FAS: variants seen among roughly 807,000 people sequenced by gnomAD.
FAS encodes the protein tumor necrosis factor receptor superfamily member 6.
In FAS, 5 loss-of-function variants were observed where a neutral mutation model predicts 33.2. The ratio of observed to expected loss-of-function variants is 0.15; its 90% CI spans 0.08 to 0.32. FAS has a LOEUF of 0.32. Among genes scored for constraint, FAS ranks in the 10% least tolerant of loss-of-function variants. The pLI is 1.00. For missense variants in FAS, 339 were observed against 386.0 expected (o/e 0.88, Z 1.02); for synonymous variants, 131 against 130.7 (o/e 1.00, Z -0.01).
chr10:89,002,057 C>A (rs1269687387), intron 1 of FAS, among the ~76,000 whole-genome samples: 2 of 152,192 alleles, frequency 1.3e-5, no homozygotes. Context: ...GGTCTTGGGG[C>A]TGGATTCTGG....
rs1371998807 is a variant in FAS, at chr10:89,015,191, C to T, written c.*741C>T. ...TTTGAGCAGGAGAGTATTACTAGAG[C>T]TTTGCCACCTCTCCATTTTTGCCTT... On this transcript the variant is annotated 3_prime_UTR_variant, in exon 9 of 9. Coordinates refer to ENST00000652046, the MANE Select transcript of FAS (RefSeq NM_000043.6). The T allele has an allele frequency of 1.9e-6, 1 of 534,704 alleles. No homozygotes were observed. The highest frequency in any genetic ancestry group is 1.9e-5 in the African/African-American group (1 of 53,850). The allele number at this position is 534,704 out of a possible 1,614,324, so 33.1% of individuals were successfully genotyped here.
chr10:88,991,886 T>C (rs763542991), intron 1 of FAS, among the ~76,000 whole-genome samples: 142 of 152,300 alleles, frequency 9.3e-4, no homozygotes, highest in African/African-American at 2.7e-3. Flanking sequence ...GGAGGCTCAT[T>C]TGAGTACCGG....
chr10:88,984,104 TTC>T (rs1224703707), upstream of FAS, among the ~76,000 whole-genome samples: 2 of 152,202 alleles, frequency 1.3e-5, no homozygotes, highest in African/African-American at 4.8e-5. Flanking sequence ...GCTATTCTAG[TTC>T]TGTTTATAAG....
intron 1 of FAS, among the ~76,000 whole-genome samples, chr10:88,967,208 G>C (rs1846334119): frequency 6.6e-6 from 1 of 152,134 alleles, no homozygotes; most frequent in Non-Finnish European, 1.5e-5. Context: ...ATACTGAAGA[G>C]CTCCCAGTTC....
At chr10:88,966,051 G>A (rs1455877520) in intron 1 of FAS, among the ~76,000 whole-genome samples, 3 of 152,236 alleles carry the variant, frequency 2.0e-5, no homozygotes, top group Middle Eastern at 3.4e-3. Flanking sequence ...AAGTAATCAC[G>A]GTTTTTGCCA....
Position 89,003,178 on chromosome 10 carries a change from T to C in FAS, c.180T>C (p.His60=). 1 of 1,614,124 alleles carries C rather than the reference T, an allele frequency of 6.2e-7. No individual in the cohort carries two copies. The highest frequency in any genetic ancestry group is 8.5e-7 in the Non-Finnish European group (1 of 1,179,978). Residue 60 remains histidine, a synonymous_variant, in exon 2 of 9, where the codon CAT becomes CAC. Coordinates refer to ENST00000652046, the MANE Select transcript of FAS (RefSeq NM_000043.6). ...EGLHHDGQFC[H]KPCPPGERKA... ...TGCATCATGATGGCCAATTCTGCCA[T>C]AAGCCCTGTCCTCCAGGTATGTTAC... is the stretch of plus-strand genomic sequence containing the variant.
upstream of FAS, among the ~76,000 whole-genome samples, chr10:88,987,847 G>A (rs1284812004): frequency 1.3e-5 from 2 of 152,040 alleles, no homozygotes; most frequent in Admixed American, 1.3e-4. Flanking sequence ...GTAAAGCAAT[G>A]TTTTGGATGG....
rs758551688 is a variant in FAS at position 89,003,084 on chromosome 10, A to G, written c.86A>G (p.Asp29Gly). ...AAAAGTGTTAATGCCCAAGTGACTG[A>G]CATCAACTCCAAGGGATTGGAATTG... ...SSKSVNAQVT[D>G]INSKGLELRK... is the part of the protein sequence containing the mutation. Residue 29 changes from aspartate (D) to glycine (G), a missense_variant, in exon 2 of 9, where the codon GAC becomes GGC. Coordinates refer to ENST00000652046, the MANE Select transcript of FAS (RefSeq NM_000043.6). 1 of 1,614,052 alleles carries G rather than the reference A, an allele frequency of 6.2e-7. No individual in the cohort carries two copies. The highest frequency in any genetic ancestry group is 8.5e-7 in the Non-Finnish European group (1 of 1,179,996).
Position 89,015,561 on chromosome 10 carries a change from TTACTAC to T in FAS, c.*1114_*1119del, listed in dbSNP as rs1217641770. ...AAGTTTCTAAGATTTAAGATTCTCC[TTACTAC>T]TATCCTACGTTTAAATATCTTTGAA... On this transcript the variant is annotated 3_prime_UTR_variant, in exon 9 of 9. Coordinates refer to ENST00000652046, the MANE Select transcript of FAS (RefSeq NM_000043.6). 1 of 533,094 alleles carries T rather than the reference TTACTAC, an allele frequency of 1.9e-6. No homozygotes were observed. Among genetic ancestry groups the T allele is most frequent in the South Asian group, 1.6e-5 (1 of 64,328 alleles). The allele number at this position is 533,094 out of a possible 1,614,324, so 33.0% of individuals were successfully genotyped here.
chr10:88,981,157 C>T (rs1053532627), intron 2 of FAS, among the ~76,000 whole-genome samples: 4 of 152,174 alleles, frequency 2.6e-5, no homozygotes, highest in African/African-American at 9.7e-5. Flanking sequence ...AGTGTGGAGC[C>T]TCCAGACCTG....
At chr10:88,985,655 C>A (rs1001268048), upstream of FAS, among the ~76,000 whole-genome samples, 1 of 152,216 alleles carries the variant, frequency 6.6e-6, no homozygotes, top group Non-Finnish European at 1.5e-5. Flanking sequence ...CCCCCACCCC[C>A]ATCCCACTCC....
At chr10:88,975,666 A>G (rs1401806386) in intron 2 of FAS, among the ~76,000 whole-genome samples, 2 of 152,078 alleles carry the variant, frequency 1.3e-5, no homozygotes, top group Non-Finnish European at 2.9e-5. Flanking sequence ...ATGTTGGTCA[A>G]TGCTGCGCCT....
At chr10:89,000,839 G>A (rs1166158106) in intron 1 of FAS, among the ~76,000 whole-genome samples, 1 of 152,212 alleles carries the variant, frequency 6.6e-6, no homozygotes, top group Non-Finnish European at 1.5e-5. Context: ...CTGAGGTCAG[G>A]AGTTTGAGAT....
In FAS at chr10:89,001,046, C is replaced by T. The variant is rs113677580; in HGVS notation, c.31-1983C>T. ...CAGCCTGGGTGACAGAGCAAGACTC[C>T]GTCTAAAACAAAACAAAACAAAACA... is the stretch of plus-strand genomic sequence containing the variant. On this transcript the variant is annotated intron_variant, in intron 1 of 8. Coordinates refer to ENST00000652046, the MANE Select transcript of FAS (RefSeq NM_000043.6). 1.3e-3 allele frequency among the ~76,000 whole-genome samples: 199 copies of T among 152,222 alleles called. 1 individual carries two copies. The highest frequency in any genetic ancestry group is 4.4e-3 in the African/African-American group (183 of 41,502).
chr10:88,979,312 T>C (rs1440006761), intron 2 of FAS, among the ~76,000 whole-genome samples: 2 of 150,900 alleles, frequency 1.3e-5, no homozygotes, highest in Non-Finnish European at 1.5e-5. Flanking sequence ...TGCCGCAGGG[T>C]GCCTTGCCAG....
chr10:89,007,818 A>G lies in FAS; in HGVS notation c.315A>G (p.Arg105=). 2 of 1,613,950 alleles carry G rather than the reference A, an allele frequency of 1.2e-6. No homozygotes were observed. Reference sequence around the variant, plus strand: ...TTTCTTCCAAATGCAGAAGATGTAGATTGTGTGATGAAGGACATGGTAAGA... The same window carrying G: ...TTTCTTCCAAATGCAGAAGATGTAGGTTGTGTGATGAAGGACATGGTAAGA... ...AHFSSKCRRC[R]LCDEGHGLEV... The change falls in exon 3 of 9, where the codon AGA becomes AGG. Residue 105 remains arginine, a synonymous_variant. Transcript: ENST00000652046.
intron 2 of FAS, among the ~76,000 whole-genome samples, chr10:88,976,872 C>T (rs1385835977): frequency 4.6e-5 from 7 of 152,192 alleles, no homozygotes. Flanking sequence ...ATTAGAGCTT[C>T]TTAGAGGCTC....
chr10:88,994,003 T>G (rs1454774113), intron 1 of FAS, among the ~76,000 whole-genome samples: 2 of 152,224 alleles, frequency 1.3e-5, no homozygotes. Flanking sequence ...GTTAGACTGA[T>G]GAAAAATCCT....
upstream of FAS, among the ~76,000 whole-genome samples, chr10:88,987,559 G>T (rs1243891490): frequency 6.6e-6 from 1 of 152,204 alleles, no homozygotes; most frequent in Non-Finnish European, 1.5e-5. Flanking sequence ...AACCACATCA[G>T]TTTCACATCT....
Sources: allele counts gnomAD v4.1 joint callset (sites outside exome capture counted in the v4.1 genomes callset), GRCh38; gene constraint gnomAD v4.1.1; transcripts MANE v1.5; gene names NCBI Gene and HGNC (gene_info 2026-07-23, HGNC 2026-07-21).